ARRDC2: variants seen among roughly 807,000 people sequenced by gnomAD.
ARRDC2 encodes arrestin domain-containing protein 2.
Under a neutral mutation model 38.9 loss-of-function variants are expected in ARRDC2, and 39 were observed. The ratio of observed to expected loss-of-function variants is 1.00; its 90% CI spans 0.78 to 1.31. The LOEUF is 1.31. ARRDC2 is among the 50% of genes most tolerant of loss of function. The probability of loss-of-function intolerance (pLI) is 0.00; values close to 1 mark genes in which losing one functional copy is unlikely to be tolerated. For synonymous variants in ARRDC2, 300 were observed against 261.9 expected, an observed-to-expected ratio of 1.15 and a Z score of -1.41; for missense variants, 553 against 588.4, an observed-to-expected ratio of 0.94 and a Z score of 0.62.
Position 18,013,376 on chromosome 19 carries a change from G to A in ARRDC2, c.*410G>A, listed in dbSNP as rs932596997. On this transcript the variant is annotated 3_prime_UTR_variant, in exon 8 of 8. Transcript: ENST00000222250. ...CAGGAAGCAGAGAAGGCGTCCTTGC[G>A]GAAAGGGCATTTTAGCTGAGGCTTT... The A allele has an allele frequency of 6.4e-5, 11 of 172,132 alleles. No individual in the cohort carries two copies. Among genetic ancestry groups the A allele is most frequent in the East Asian group, 1.6e-4 (1 of 6,062 alleles). The allele number at this position is 172,132 out of a possible 1,614,324, so 10.7% of individuals were successfully genotyped here.
upstream of ARRDC2, among the ~76,000 whole-genome samples, chr19:18,003,507 T>G (rs1211747995): frequency 6.6e-6 from 1 of 151,806 alleles, no homozygotes; most frequent in East Asian, 1.9e-4. Flanking sequence ...CAGGCTGGAG[T>G]GCAGTGGCGC....
Position 18,010,359 on chromosome 19 carries a change from G to T in ARRDC2, c.1012+1G>T. ...GGGGCCTTGCCGGAGCGGCCTGAGG[G>T]TAAGCTCCCACCCTGCTTGCATGCA... On this transcript the variant is annotated splice_donor_variant, in intron 6 of 7. Coordinates refer to ENST00000222250, the MANE Select transcript of ARRDC2 (RefSeq NM_015683.2). LOFTEE classifies it high-confidence loss of function. 1.2e-6 allele frequency: 2 copies of T among 1,607,662 alleles called. No individual in the cohort carries two copies.
rs1360373101 is a variant in ARRDC2, at chr19:18,013,202, C to T, written c.*236C>T. 2 of 527,156 alleles carry T rather than the reference C, an allele frequency of 3.8e-6. No homozygotes were observed. The highest frequency in any genetic ancestry group is 2.0e-5 in the African/African-American group (1 of 51,144). The allele number at this position is 527,156 out of a possible 1,614,324, so 32.7% of individuals were successfully genotyped here. A position where few individuals can be genotyped will look rare whatever the true frequency, so the allele number is the denominator to read the frequency against. ...GGCATTGAATGCCCAGTGCAGTATC[C>T]GAGAGACTGTTTAATAACCTGTCTT... On this transcript the variant is annotated 3_prime_UTR_variant, in exon 8 of 8. Coordinates refer to ENST00000222250, the MANE Select transcript of ARRDC2 (RefSeq NM_015683.2).
At chr19:18,012,481 C>T (rs950812711) in intron 7 of ARRDC2, among the ~76,000 whole-genome samples, 2 of 151,864 alleles carry the variant, frequency 1.3e-5, no homozygotes, top group Non-Finnish European at 2.9e-5. Context: ...CAGCTACTCA[C>T]GAGGCTGAGG....
intron 1 of ARRDC2, among the ~76,000 whole-genome samples, chr19:18,002,769 C>G (rs569837629): frequency 2.0e-5 from 3 of 152,124 alleles, no homozygotes; most frequent in African/African-American, 7.2e-5. Context: ...CGCTTTCACC[C>G]GAAGGCCGGC....
At chr19:18,002,743 G>A (rs1447302866) in intron 1 of ARRDC2, among the ~76,000 whole-genome samples, 2 of 152,146 alleles carry the variant, frequency 1.3e-5, no homozygotes, top group Admixed American at 6.6e-5. Context: ...CCGGCGACTC[G>A]GAGAACTCTT....
chr19:18,009,963 G>C lies in ARRDC2; in HGVS notation c.773G>C (p.Gly258Ala). Residue 258 changes from glycine (G) to alanine (A), a missense_variant, in exon 5 of 8, where the codon GGC (glycine) becomes GCC (alanine). Physicochemically the swap from Gly to Ala is moderately conservative, Grantham distance 60 (BLOSUM62 0). Coordinates refer to ENST00000222250, the MANE Select transcript of ARRDC2 (RefSeq NM_015683.2). ...VGPGQRALWQ[G>A]RALRIPPVGP... Reference sequence around the variant, plus strand: ...CCCGGGCAGCGGGCGCTGTGGCAGGGCCGGGCACTGCGGATCCCCCCAGTG... The same window carrying C: ...CCCGGGCAGCGGGCGCTGTGGCAGGCCCGGGCACTGCGGATCCCCCCAGTG... 1.2e-6 allele frequency: 2 copies of C among 1,603,766 alleles called. No individual in the cohort carries two copies. Among genetic ancestry groups the C allele is most frequent in the East Asian group, 2.2e-5 (1 of 44,860 alleles).
chr19:18,009,828 G>T lies in ARRDC2; in HGVS notation c.638G>T (p.Arg213Leu), dbSNP rs1275759384. 6.2e-7 allele frequency: 1 copy of T among 1,612,428 alleles called. No individual in the cohort carries two copies. The highest frequency in any genetic ancestry group is 1.3e-5 in the African/African-American group (1 of 75,058). Residue 213 changes from arginine (R) to leucine (L), a missense_variant, in exon 5 of 8, where the codon CGT becomes CTT. Transcript: ENST00000222250. ...VFAEIDNGST[R>L]PVLPRAAVVQ... ...GCCGAGATCGACAACGGCTCCACAC[G>T]TCCTGTGCTGCCTCGGGCAGCCGTG... is the stretch of plus-strand genomic sequence containing the variant.
chr19:18,009,450 T>A (rs2033357578), intron 3 of ARRDC2, 142 bp from the exon 4 acceptor site: 1 of 750,734 alleles, frequency 1.3e-6, no homozygotes, highest in African/African-American at 1.8e-5. Flanking sequence ...CTGGCTCTAT[T>A]TAACGGATAG....
At chr19:18,006,884 T>C (rs2033290640), upstream of ARRDC2, among the ~76,000 whole-genome samples, 2 of 152,258 alleles carry the variant, frequency 1.3e-5, no homozygotes, top group Middle Eastern at 6.8e-3. Flanking sequence ...CCCTCTAGTA[T>C]CCATTGAAAC....
chr19:18,006,757 C>A (rs1387451581), upstream of ARRDC2, among the ~76,000 whole-genome samples: 1 of 152,220 alleles, frequency 6.6e-6, no homozygotes, highest in East Asian at 1.9e-4. Context: ...GAGCCCCACC[C>A]ATCTCTGGGC....
At chr19:18,010,841 G>T (rs2033397612) in intron 7 of ARRDC2, 112 bp downstream of exon 7, 41 of 1,167,258 alleles carry the variant, frequency 3.5e-5, no homozygotes, top group Non-Finnish European at 4.9e-5. Flanking sequence ...TTTAGACAGG[G>T]TCTTGCTCTG....
At chr19:18,005,310 G>A (rs562218224), upstream of ARRDC2, among the ~76,000 whole-genome samples, 559 of 152,170 alleles carry the variant, frequency 3.7e-3, 2 homozygotes, top group Middle Eastern at 6.8e-3. Context: ...GTTGGGGGTA[G>A]GGTCACCGAT....
chr19:18,001,368 C>A, exon 1 of ARRDC2: 1 of 1,200,664 alleles, frequency 8.3e-7, no homozygotes. Context: ...GGGGCCCGGG[C>A]GGCGCCTACC....
upstream of ARRDC2, chr19:18,008,115 G>GGGGGGGC: frequency 1.1e-5 from 9 of 810,030 alleles, no homozygotes; most frequent in Non-Finnish European, 1.5e-5. Context: ...AAGAGACGGT[G>GGGGGGGC]ACCCCACCCC....
chr19:18,006,093 A>G (rs1005912299), upstream of ARRDC2, among the ~76,000 whole-genome samples: 2 of 146,824 alleles, frequency 1.4e-5, no homozygotes, highest in African/African-American at 5.1e-5. Flanking sequence ...GGCGCTCCTC[A>G]CTTCCTAGGT....
chr19:18,008,076 T>G, upstream of ARRDC2: 1 of 1,167,088 alleles, frequency 8.6e-7, no homozygotes. Context: ...CTTGTCGCGC[T>G]ATTGGTGGAG....
At position 18,008,239 on chromosome 19, in the gene ARRDC2, C is replaced by T. The variant is rs1057107522; in HGVS notation, c.-72C>T. On this transcript the variant is annotated 5_prime_UTR_variant, in exon 1 of 8. Coordinates refer to ENST00000222250, the MANE Select transcript of ARRDC2 (RefSeq NM_015683.2). ...ATTTTGCGTTCTGAGGCTGCAGCGT[C>T]GGCATCTTGAGCTGCCGGTTCGCGA... 1.9e-6 allele frequency: 3 copies of T among 1,551,240 alleles called. No homozygotes were observed. Among genetic ancestry groups the T allele is most frequent in the African/African-American group, 2.9e-5 (2 of 70,074 alleles).
chr19:18,007,505 G>A (rs2033303765), upstream of ARRDC2: 1 of 152,418 alleles, frequency 6.6e-6, no homozygotes, highest in Non-Finnish European at 1.5e-5. Context: ...CGAGGCTCTT[G>A]GAGGAGTCCA....
Sources: allele counts gnomAD v4.1 joint callset (sites outside exome capture counted in the v4.1 genomes callset), GRCh38; gene constraint gnomAD v4.1.1; transcripts MANE v1.5; gene names NCBI Gene and HGNC (gene_info 2026-07-23, HGNC 2026-07-21).